DCAF6: variants seen among roughly 807,000 people sequenced by gnomAD.
The protein encoded by DCAF6 is DDB1- and CUL4-associated factor 6.
A neutral mutation model predicts 125.1 loss-of-function variants in DCAF6; 54 were observed. The observed-to-expected ratio is 0.43, with a 90% CI of 0.35 to 0.54. The LOEUF (loss-of-function observed/expected upper bound fraction) is 0.54, where lower values mean the gene tolerates loss of function less well. DCAF6 is among the 20% of genes least tolerant of loss of function. The pLI, the probability that DCAF6 is intolerant of heterozygous loss-of-function variation, is 0.01. For missense variants in DCAF6, 934 were observed against 1,161.7 expected, an observed-to-expected ratio of 0.80 and a Z score of 2.85; for synonymous variants, 371 against 390.4, an observed-to-expected ratio of 0.95 and a Z score of 0.58.
chr1:168,026,955 C>T (rs1686418291), intron 12 of DCAF6, among the ~76,000 whole-genome samples: 1 of 151,874 alleles, frequency 6.6e-6, no homozygotes, highest in Non-Finnish European at 1.5e-5. Context: ...AAGGATCTAG[C>T]TAATGAGACC....
chr1:168,022,236 T>G (rs1278236101), intron 11 of DCAF6, among the ~76,000 whole-genome samples: 1 of 152,192 alleles, frequency 6.6e-6, no homozygotes, highest in Non-Finnish European at 1.5e-5. Flanking sequence ...TAGAAACCGC[T>G]TATAAAGTAA....
chr1:167,873,984 T>G, the DCAF6 span, among the ~76,000 whole-genome samples: 1 of 152,108 alleles, frequency 6.6e-6, no homozygotes, highest in Non-Finnish European at 1.5e-5. Flanking sequence ...TTCCAAAAGA[T>G]AATCAAAATA....
At chr1:168,010,761 A>G (rs1004785721) in intron 10 of DCAF6, among the ~76,000 whole-genome samples, 8 of 152,212 alleles carry the variant, frequency 5.3e-5, no homozygotes, top group South Asian at 2.1e-4. Flanking sequence ...ATAACTATGA[A>G]TATTTTCTTC....
At chr1:167,954,673 C>T (rs1476630667) in intron 2 of DCAF6, among the ~76,000 whole-genome samples, 2 of 151,422 alleles carry the variant, frequency 1.3e-5, no homozygotes, top group African/African-American at 2.4e-5. Context: ...AGGATGGTCT[C>T]GATCTCCTGA....
the DCAF6 span, among the ~76,000 whole-genome samples, chr1:167,913,302 C>T: frequency 1.3e-5 from 2 of 152,202 alleles, no homozygotes; most frequent in East Asian, 3.9e-4. Flanking sequence ...AATTAGGGTT[C>T]GATTATATTC....
chr1:168,021,144 T>C (rs1222713773), intron 11 of DCAF6, among the ~76,000 whole-genome samples: 1 of 152,160 alleles, frequency 6.6e-6, no homozygotes, highest in East Asian at 1.9e-4. Context: ...GACTTATTCT[T>C]TCTTAAATTT....
At chr1:167,957,895 G>A (rs1241504302) in intron 2 of DCAF6, among the ~76,000 whole-genome samples, 1 of 152,030 alleles carries the variant, frequency 6.6e-6, no homozygotes, top group Non-Finnish European at 1.5e-5. Flanking sequence ...ATGATGTTGA[G>A]CATCTTTCTA....
intron 17 of DCAF6, among the ~76,000 whole-genome samples, chr1:168,058,415 G>A (rs578063450): frequency 1.3e-4 from 20 of 152,248 alleles, no homozygotes; most frequent in Admixed American, 9.8e-4. Flanking sequence ...TTTAAAAATC[G>A]TGTTTATTCA....
intron 17 of DCAF6, among the ~76,000 whole-genome samples, chr1:168,052,392 C>A (rs1239464589): frequency 2.6e-5 from 4 of 152,052 alleles, no homozygotes; most frequent in Non-Finnish European, 2.9e-5. Flanking sequence ...AACTGATAAA[C>A]AATGGTAAAG....
chr1:167,895,137 G>A, the DCAF6 span, among the ~76,000 whole-genome samples: 2 of 149,986 alleles, frequency 1.3e-5, no homozygotes, highest in South Asian at 4.2e-4. Context: ...AGCCCATATC[G>A]CGCCAGTGCA....
At chr1:168,073,130 C>T (rs539793442) in intron 21 of DCAF6, among the ~76,000 whole-genome samples, 3 of 151,778 alleles carry the variant, frequency 2.0e-5, no homozygotes, top group South Asian at 2.1e-4. Flanking sequence ...GAGCCAAGAT[C>T]GCGCCACTGC....
At chr1:167,883,673 ATCCC>A in the DCAF6 span, 3 of 1,597,804 alleles carry the variant, frequency 1.9e-6, no homozygotes, top group South Asian at 3.3e-5. Flanking sequence ...TTGGCAGTGG[ATCCC>A]TCCCCCAACA....
chr1:168,045,166 G>T lies in DCAF6; in HGVS notation c.2197G>T (p.Asp733Tyr). The change falls in exon 16 of 22, where the codon GAC (aspartate) becomes TAC (tyrosine). Residue 733 changes from aspartate to tyrosine, a missense_variant. Transcript: ENST00000367840. ...TRDSALQDTD[D>Y]SDDDPVLIPG... ...GGACTCTGCTCTTCAGGACACAGAT[G>T]ACAGTGATGATGACCCAGTCCTGAT... 1 of 1,613,950 alleles carries T rather than the reference G, an allele frequency of 6.2e-7. No homozygotes were observed. Among genetic ancestry groups the T allele is most frequent in the Non-Finnish European group, 8.5e-7 (1 of 1,179,928 alleles).
At chr1:168,043,527 G>A (rs566435466) in intron 14 of DCAF6, among the ~76,000 whole-genome samples, 5 of 152,220 alleles carry the variant, frequency 3.3e-5, no homozygotes, top group South Asian at 4.1e-4. Flanking sequence ...AACAAGTTAC[G>A]AGTGAATCTA....
At chr1:168,011,164 T>A (rs1158975055) in intron 10 of DCAF6, among the ~76,000 whole-genome samples, 1 of 146,664 alleles carries the variant, frequency 6.8e-6, no homozygotes, top group Non-Finnish European at 1.5e-5. Flanking sequence ...GTCACCAGGC[T>A]GGAGTGCAGT....
At chr1:167,952,864 A>G (rs913294433) in intron 2 of DCAF6, among the ~76,000 whole-genome samples, 4 of 152,158 alleles carry the variant, frequency 2.6e-5, no homozygotes, top group Non-Finnish European at 2.9e-5. Flanking sequence ...TTCAATTTTT[A>G]TTATAAAAAT....
At chr1:168,049,431 GTTTTT>G (rs11369573) in intron 16 of DCAF6, among the ~76,000 whole-genome samples, 1,960 of 101,264 alleles carry the variant, frequency 0.019, 59 homozygotes, top group African/African-American at 0.077. Flanking sequence ...TGTTGTTGTT[GTTTTT>G]TTTTTTTTTT....
At chr1:168,041,101 C>T (rs1688473301) in intron 13 of DCAF6, among the ~76,000 whole-genome samples, 1 of 151,854 alleles carries the variant, frequency 6.6e-6, no homozygotes, top group Non-Finnish European at 1.5e-5. Flanking sequence ...TTTAATAGAA[C>T]CTACTTCATA....
At chr1:168,043,344 A>G (rs951833640) in intron 14 of DCAF6, among the ~76,000 whole-genome samples, 3 of 152,156 alleles carry the variant, frequency 2.0e-5, no homozygotes, top group African/African-American at 7.2e-5. Context: ...GTGAAGCACA[A>G]TCCTCTTTGT....
Sources: allele counts gnomAD v4.1 joint callset (sites outside exome capture counted in the v4.1 genomes callset), GRCh38; gene constraint gnomAD v4.1.1; transcripts MANE v1.5; gene names NCBI Gene and HGNC (gene_info 2026-07-23, HGNC 2026-07-21).